The following VPS37C variants were observed in gnomAD, a reference collection of about 807,000 sequenced individuals.
VPS37C encodes VPS37C subunit of ESCRT-I, also known as vacuolar protein sorting-associated protein 37C.
Under a neutral mutation model 16.1 loss-of-function variants are expected in VPS37C, and 9 were observed. That is an observed-to-expected ratio of 0.56 (90% CI 0.34 to 0.97). The LOEUF is 0.97. Among genes scored for constraint, VPS37C ranks in the 50% least tolerant of loss-of-function variants. VPS37C has a pLI of 0.02. For synonymous variants in VPS37C, 207 were observed against 206.4 expected (o/e 1.00, Z -0.02); for missense variants, 479 against 472.7 (o/e 1.01, Z -0.12).
intron 1 of VPS37C, among the ~76,000 whole-genome samples, chr11:61,160,711 A>G (rs1404172679): frequency 6.6e-6 from 1 of 152,188 alleles, no homozygotes; most frequent in Non-Finnish European, 1.5e-5. Flanking sequence ...TCCTTCTCCC[A>G]TCCGTAAAGT....
chr11:61,133,346 G>C lies in VPS37C; in HGVS notation c.266-9C>G. 6.2e-7 allele frequency: 1 copy of C among 1,613,786 alleles called. No individual in the cohort carries two copies. Among genetic ancestry groups the C allele is most frequent in the Non-Finnish European group, 8.5e-7 (1 of 1,179,904 alleles). ...TGCTGAAGAAAATTTCTCTGGAAGGGAGGGCAGAACGACTGACATTTGAAA... is the reference window on the plus strand; with the variant it reads ...TGCTGAAGAAAATTTCTCTGGAAGGCAGGGCAGAACGACTGACATTTGAAA... On this transcript the variant is annotated splice_polypyrimidine_tract_variant and intron_variant, in intron 3 of 4. Coordinates refer to ENST00000301765, the MANE Select transcript of VPS37C (RefSeq NM_017966.5).
chr11:61,143,088 C>CA (rs1213181342), intron 1 of VPS37C, among the ~76,000 whole-genome samples: 3 of 150,182 alleles, frequency 2.0e-5, no homozygotes, highest in African/African-American at 7.3e-5. Flanking sequence ...CTCAGTTTCT[C>CA]AATCTGTAAA....
chr11:61,156,129 G>A lies in VPS37C; in HGVS notation c.-7+5262C>T, dbSNP rs112491266. The stretch of plus-strand genomic sequence containing the variant: ...CAAAGTGGAATCATAAAAATTATTC[G>A]ATCCCAAAGAAGTCATAAAAAAGGA... On this transcript the variant is annotated intron_variant, in intron 1 of 4. Transcript: ENST00000301765. Among the ~76,000 whole-genome samples the A allele has an allele frequency of 5.1e-4, 78 of 152,092 alleles. 1 individual carries two copies. Among genetic ancestry groups the A allele is most frequent in the African/African-American group, 1.8e-3 (75 of 41,482 alleles).
intron 1 of VPS37C, among the ~76,000 whole-genome samples, chr11:61,157,906 G>C (rs1187123087): frequency 6.6e-6 from 1 of 152,150 alleles, no homozygotes; most frequent in Non-Finnish European, 1.5e-5. Context: ...GTTCACATGA[G>C]AGCTGGCTGC....
In VPS37C at chr11:61,133,351, C is replaced by T; in HGVS notation, c.266-14G>A. 1 of 1,613,252 alleles carries T rather than the reference C, an allele frequency of 6.2e-7. No individual in the cohort carries two copies. Among genetic ancestry groups the T allele is most frequent in the Non-Finnish European group, 8.5e-7 (1 of 1,179,658 alleles). On this transcript the variant is annotated splice_polypyrimidine_tract_variant and intron_variant, in intron 3 of 4. Coordinates refer to ENST00000301765, the MANE Select transcript of VPS37C (RefSeq NM_017966.5). ...AAGAAAATTTCTCTGGAAGGGAGGG[C>T]AGAACGACTGACATTTGAAAAGTGC...
intron 1 of VPS37C, among the ~76,000 whole-genome samples, chr11:61,152,319 C>T (rs930198837): frequency 1.3e-5 from 2 of 152,162 alleles, no homozygotes; most frequent in African/African-American, 4.8e-5. Flanking sequence ...ACAGGTATAG[C>T]CACAGAAAAA....
rs138063432 is a variant in VPS37C at position 61,130,547 on chromosome 11, G to T, written c.*1273C>A. The T allele has an allele frequency of 1.0e-3, 248 of 248,690 alleles. No homozygotes were observed. Among genetic ancestry groups the T allele is most frequent in the Non-Finnish European group, 1.5e-3 (192 of 128,578 alleles). 15.4% of individuals were successfully genotyped at this position (248,690 alleles called of 1,614,324 possible). Reference sequence around the variant, plus strand: ...TCAGGTAGTGGACATTTCAAGGCACGTACAACTTCCTAAGCAATAGCAGCT... The same window carrying T: ...TCAGGTAGTGGACATTTCAAGGCACTTACAACTTCCTAAGCAATAGCAGCT... On this transcript the variant is annotated 3_prime_UTR_variant, in exon 5 of 5. Coordinates refer to ENST00000301765, the MANE Select transcript of VPS37C (RefSeq NM_017966.5).
At chr11:61,147,967 G>A (rs1018142762) in intron 1 of VPS37C, among the ~76,000 whole-genome samples, 1 of 152,110 alleles carries the variant, frequency 6.6e-6, no homozygotes, top group African/African-American at 2.4e-5. Context: ...CTTTAACCTT[G>A]GTTTCCTTAA....
chr11:61,133,592 A>G (rs1041161865), intron 3 of VPS37C, among the ~76,000 whole-genome samples: 1 of 152,196 alleles, frequency 6.6e-6, no homozygotes, highest in Non-Finnish European at 1.5e-5. Flanking sequence ...CTTGGGCTTC[A>G]GAGCCCAACT....
intron 1 of VPS37C, among the ~76,000 whole-genome samples, chr11:61,160,086 C>G (rs554318740): frequency 6.6e-6 from 1 of 152,180 alleles, no homozygotes; most frequent in Admixed American, 6.5e-5. Context: ...GCATATGAAG[C>G]CAAGCAACAA....
chr11:61,135,169 G>A (rs1040447788), intron 2 of VPS37C, among the ~76,000 whole-genome samples: 1 of 152,262 alleles, frequency 6.6e-6, no homozygotes, highest in Non-Finnish European at 1.5e-5. Context: ...GTCAGCATGT[G>A]ACAGACCAAG....
intron 1 of VPS37C, among the ~76,000 whole-genome samples, chr11:61,150,547 A>C (rs1170999571): frequency 8.9e-6 from 1 of 112,724 alleles, no homozygotes; most frequent in Admixed American, 9.7e-5. Context: ...ACCTTTTTCA[A>C]AGGAGTTTTG....
At chr11:61,133,454 A>C in intron 3 of VPS37C, 117 bp from the exon 4 acceptor site, 7 of 1,031,072 alleles carry the variant, frequency 6.8e-6, no homozygotes, top group East Asian at 2.6e-5. Flanking sequence ...GGGTCCACCA[A>C]AGGGTCCTTC....
Position 61,132,306 on chromosome 11 carries a change from C to T in VPS37C, c.582G>A (p.Pro194=), listed in dbSNP as rs150262331. 7.8e-5 allele frequency: 124 copies of T among 1,582,342 alleles called. No individual in the cohort carries two copies. The highest frequency in any genetic ancestry group is 9.6e-5 in the Non-Finnish European group (112 of 1,161,782). The change falls in exon 5 of 5, where the codon CCG becomes CCA. Residue 194 remains proline, a synonymous_variant. Coordinates refer to ENST00000301765, the MANE Select transcript of VPS37C (RefSeq NM_017966.5). ...QGTPPVVEEQ[P]QPPLAMPPYP... is the part of the protein sequence containing the mutation. ...AGGGAGGCATGGCTAATGGTGGCTG[C>T]GGCTGCTCTTCAACCACAGGGGGTG...
intron 1 of VPS37C, among the ~76,000 whole-genome samples, chr11:61,142,566 A>G (rs1590788588): frequency 6.6e-6 from 1 of 152,080 alleles, no homozygotes; most frequent in Non-Finnish European, 1.5e-5. Context: ...ATACACAAAC[A>G]CTACCTTCCA....
intron 2 of VPS37C, among the ~76,000 whole-genome samples, chr11:61,136,703 A>G (rs1861381756): frequency 6.6e-6 from 1 of 152,230 alleles, no homozygotes; most frequent in Non-Finnish European, 1.5e-5. Flanking sequence ...TGGTGGAAAT[A>G]AGGAGGAAGA....
rs201760266 is a variant in VPS37C, at chr11:61,141,628, GA to G, written c.-6-2794del. Among the ~76,000 whole-genome samples, 804 of 152,302 alleles carry G rather than the reference GA, an allele frequency of 5.3e-3. 14 individuals carry two copies. Among genetic ancestry groups the G allele is most frequent in the African/African-American group, 0.018 (758 of 41,580 alleles). On this transcript the variant is annotated intron_variant, in intron 1 of 4. Coordinates refer to ENST00000301765, the MANE Select transcript of VPS37C (RefSeq NM_017966.5). ...CACAGGTGGAACCTCCCTGAGCCTT[GA>G]ATTCTTCACCTGTAAAATAAGACTC...
At chr11:61,135,027 A>G (rs1196586383) in intron 2 of VPS37C, among the ~76,000 whole-genome samples, 1 of 152,216 alleles carries the variant, frequency 6.6e-6, no homozygotes, top group Non-Finnish European at 1.5e-5. Context: ...CAGTGACAGT[A>G]CACTGTCAGC....
Position 61,133,344 on chromosome 11 carries a change from G to A in VPS37C, c.266-7C>T. ...AGTGCTGAAGAAAATTTCTCTGGAA[G>A]GGAGGGCAGAACGACTGACATTTGA... is the stretch of plus-strand genomic sequence containing the variant. On this transcript the variant is annotated splice_region_variant and splice_polypyrimidine_tract_variant and intron_variant, in intron 3 of 4. Coordinates refer to ENST00000301765, the MANE Select transcript of VPS37C (RefSeq NM_017966.5). 1 of 1,613,812 alleles carries A rather than the reference G, an allele frequency of 6.2e-7. No individual in the cohort carries two copies. The highest frequency in any genetic ancestry group is 8.5e-7 in the Non-Finnish European group (1 of 1,179,924).
Sources: allele counts gnomAD v4.1 joint callset (sites outside exome capture counted in the v4.1 genomes callset), GRCh38; gene constraint gnomAD v4.1.1; transcripts MANE v1.5; gene names NCBI Gene and HGNC (gene_info 2026-07-23, HGNC 2026-07-21).